FBXO25: variants seen among roughly 807,000 people sequenced by gnomAD.
FBXO25 encodes F-box protein 25, also known as F-box only protein 25.
In FBXO25, 45 loss-of-function variants were observed where a neutral mutation model predicts 51.9. The observed-to-expected ratio is 0.87, with a 90% CI of 0.68 to 1.11. The LOEUF (loss-of-function observed/expected upper bound fraction) is 1.11. FBXO25 is among the 50% of genes most tolerant of loss of function. The pLI is 0.00. For synonymous variants in FBXO25, 199 were observed against 151.0 expected, an observed-to-expected ratio of 1.32 and a Z score of -2.33; for missense variants, 507 against 428.5, an observed-to-expected ratio of 1.18 and a Z score of -1.62.
In FBXO25 at chr8:476,003, T is replaced by A. The variant is rs576169405; in HGVS notation, c.*7199T>A. 4.6e-5 allele frequency: 7 copies of A among 152,320 alleles called. No homozygotes were observed. Among genetic ancestry groups the A allele is most frequent in the Admixed American group, 2.6e-4 (4 of 15,304 alleles). 9.4% of individuals were successfully genotyped at this position (152,320 alleles called of 1,614,324 possible). A position where few individuals can be genotyped will look rare whatever the true frequency, so the allele number is the denominator to read the frequency against. On this transcript the variant is annotated 3_prime_UTR_variant, in exon 10 of 10. Transcript: ENST00000350302. ...CTTTCAGTCTTATTGAATATGATGT[T>A]TACAGTGGGATGTTCATATGGCCTC... is the stretch of plus-strand genomic sequence containing the variant.
At chr8:439,023 C>A (rs894766709) in intron 5 of FBXO25, among the ~76,000 whole-genome samples, 1 of 152,246 alleles carries the variant, frequency 6.6e-6, no homozygotes, top group Non-Finnish European at 1.5e-5. Flanking sequence ...TGTGTCCCAA[C>A]TGCAGTGAGG....
chr8:440,296 G>A (rs187082480), intron 5 of FBXO25, among the ~76,000 whole-genome samples: 1 of 152,356 alleles, frequency 6.6e-6, no homozygotes, highest in Admixed American at 6.5e-5. Context: ...TCTTGGAACA[G>A]TCTGTACTCT....
chr8:421,416 G>C (rs1161597408), intron 2 of FBXO25, among the ~76,000 whole-genome samples: 1 of 152,204 alleles, frequency 6.6e-6, no homozygotes, highest in Non-Finnish European at 1.5e-5. Context: ...ACAGTGTTTT[G>C]ACAGGATGCT....
intron 2 of FBXO25, among the ~76,000 whole-genome samples, chr8:425,396 C>G (rs903680300): frequency 2.4e-4 from 36 of 150,760 alleles, no homozygotes; most frequent in Non-Finnish European, 2.2e-4. Flanking sequence ...GCACTTGTAA[C>G]TTTCTTATTT....
intron 2 of FBXO25, among the ~76,000 whole-genome samples, chr8:426,690 G>A (rs7831204): frequency 0.87 from 126,879 of 146,584 alleles, 53,901 homozygotes; most frequent in Admixed American, 0.9. Flanking sequence ...GCCCTTCCTC[G>A]AGGTTGCTGC....
In FBXO25 at chr8:411,451, C is replaced by G. The variant is rs538748621; in HGVS notation, c.-7-1622C>G. ...TTTTTTCTTGGCTCTCTTGATTTCC[C>G]TCTCGACATATTCTGTGATATTATT... On this transcript the variant is annotated intron_variant, in intron 1 of 9. Coordinates refer to ENST00000350302, the MANE Select transcript of FBXO25 (RefSeq NM_183420.2). Among the ~76,000 whole-genome samples, 4 of 152,106 alleles carry G rather than the reference C, an allele frequency of 2.6e-5. No individual in the cohort carries two copies. In the East Asian group the frequency reaches 7.7e-4, roughly 29 times the overall value.
In FBXO25 at chr8:417,743, A is replaced by G. The variant is rs557383617; in HGVS notation, c.134+4530A>G. Among the ~76,000 whole-genome samples, 4 of 152,284 alleles carry G rather than the reference A, an allele frequency of 2.6e-5. No homozygotes were observed. In the South Asian group the frequency reaches 6.2e-4, roughly 24 times the overall value. ...TGGAAGTTGTTCCATGTCAGTGTGC[A>G]TTGAGTTCCTCATTCATTATAAGGA... On this transcript the variant is annotated intron_variant, in intron 2 of 9. Coordinates refer to ENST00000350302, the MANE Select transcript of FBXO25 (RefSeq NM_183420.2).
In FBXO25 at chr8:468,770, C is replaced by A. The variant is rs1179843352; in HGVS notation, c.1043C>A (p.Ser348Tyr). Residue 348 changes from serine to tyrosine, a missense_variant, in exon 10 of 10, where the codon TCT becomes TAT. Coordinates refer to ENST00000350302, the MANE Select transcript of FBXO25 (RefSeq NM_183420.2). ...ADPDSCFTPVSPQHFIDLFKF is the reference protein window; with the variant it reads ...ADPDSCFTPVYPQHFIDLFKF ...CCTGACAGCTGCTTCACGCCTGTGT[C>A]TCCGCAGCACTTCATCGACCTCTTC... 1.2e-6 allele frequency: 2 copies of A among 1,614,060 alleles called. No individual in the cohort carries two copies. Among genetic ancestry groups the A allele is most frequent in the African/African-American group, 2.7e-5 (2 of 75,028 alleles).
intron 2 of FBXO25, among the ~76,000 whole-genome samples, chr8:426,796 T>C (rs1325948871): frequency 7.6e-6 from 1 of 132,050 alleles, no homozygotes; most frequent in Non-Finnish European, 1.7e-5. Flanking sequence ...GGGCCCACAT[T>C]GGCTGTGGCT....
At chr8:460,719 T>TGAGACAACAAACGGTTGTTTTTAGTCTC (rs1447672530) in intron 8 of FBXO25, among the ~76,000 whole-genome samples, 2 of 152,268 alleles carry the variant, frequency 1.3e-5, no homozygotes, top group East Asian at 3.8e-4. Flanking sequence ...GAAGTAGGAA[T>TGAGACAACAAACGGTTGTTTTTAGTCTC]GAGACAACAA....
intron 7 of FBXO25, among the ~76,000 whole-genome samples, chr8:457,908 C>T (rs1466760786): frequency 6.6e-6 from 1 of 152,208 alleles, no homozygotes; most frequent in Non-Finnish European, 1.5e-5. Flanking sequence ...CAGCTGTGAC[C>T]CATAAAGGCC....
chr8:451,221 G>A, intron 6 of FBXO25, 48 bp from the exon 7 acceptor site: 2 of 1,507,446 alleles, frequency 1.3e-6, no homozygotes, highest in South Asian at 1.3e-5. Flanking sequence ...TTTTTTTAAA[G>A]TGTTGCTTAA....
intron 5 of FBXO25, among the ~76,000 whole-genome samples, chr8:449,657 C>G (rs1293577268): frequency 1.3e-5 from 2 of 152,132 alleles, no homozygotes; most frequent in South Asian, 2.1e-4. Flanking sequence ...TCTGGTGTGC[C>G]CTTTTGCTAC....
intron 8 of FBXO25, 129 bp downstream of exon 8, chr8:458,680 A>G (rs568505772): frequency 3.5e-6 from 3 of 849,530 alleles, no homozygotes; most frequent in Non-Finnish European, 5.4e-6. Context: ...ACCAGGAACA[A>G]TCAGAGTTTA....
chr8:457,893 G>T (rs1799554665), intron 7 of FBXO25, among the ~76,000 whole-genome samples: 1 of 152,244 alleles, frequency 6.6e-6, no homozygotes, highest in African/African-American at 2.4e-5. Flanking sequence ...CATCACTGGG[G>T]TGACCAGCTG....
At chr8:418,862 T>G (rs895670208) in intron 2 of FBXO25, among the ~76,000 whole-genome samples, 2 of 152,162 alleles carry the variant, frequency 1.3e-5, no homozygotes, top group African/African-American at 2.4e-5. Flanking sequence ...CCTCTACTAC[T>G]CACTCTTACT....
intron 2 of FBXO25, among the ~76,000 whole-genome samples, chr8:418,330 GTT>G (rs1796935172): frequency 9.6e-6 from 1 of 104,612 alleles, no homozygotes; most frequent in Admixed American, 9.7e-5. Flanking sequence ...TCGTTTGTTT[GTT>G]CTTTTTTTTT....
chr8:447,401 C>A (rs1049748317), intron 5 of FBXO25, among the ~76,000 whole-genome samples: 3 of 152,112 alleles, frequency 2.0e-5, no homozygotes, highest in African/African-American at 7.2e-5. Flanking sequence ...GTGACCGTCA[C>A]CGCATGGATA....
intron 7 of FBXO25, among the ~76,000 whole-genome samples, chr8:454,693 C>G (rs973088609): frequency 1.3e-5 from 2 of 152,054 alleles, no homozygotes; most frequent in African/African-American, 4.8e-5. Flanking sequence ...AGATAGAGAC[C>G]ATGCTGGCTA....
Sources: gnomAD v4.1 joint callset for allele counts (sites outside exome capture counted in the v4.1 genomes callset) on GRCh38, gnomAD v4.1.1 for gene constraint, MANE v1.5 for transcripts, NCBI Gene and HGNC (gene_info 2026-07-23, HGNC 2026-07-21) for gene names.